Variants in EFR3A observed in about 807,000 individuals in gnomAD.
EFR3A encodes protein EFR3 homolog A.
Under a neutral mutation model 104.4 loss-of-function variants are expected in EFR3A, and 76 were observed. The ratio of observed to expected loss-of-function variants is 0.73; its 90% CI spans 0.60 to 0.88. The LOEUF is 0.88. Ranked by LOEUF, EFR3A falls within the 40% of genes least tolerant of loss-of-function variation. The pLI, the probability that EFR3A is intolerant of heterozygous loss-of-function variation, is 0.00. For missense variants in EFR3A, 985 were observed against 1,012.5 expected (o/e 0.97, Z 0.37); for synonymous variants, 330 against 330.0 (o/e 1.00, Z 0.00).
intron 2 of EFR3A, 94 bp downstream of exon 2, chr8:131,940,669 T>A (rs906876997): frequency 1.3e-6 from 2 of 1,484,754 alleles, no homozygotes; most frequent in African/African-American, 2.8e-5. Flanking sequence ...ATTTCTCTAC[T>A]TTTACCCTTA....
chr8:132,011,927 G>A lies in EFR3A; in HGVS notation c.*1032G>A, dbSNP rs1822363747. The A allele has an allele frequency of 6.6e-6, 1 of 152,158 alleles. No homozygotes were observed. The highest frequency in any genetic ancestry group is 1.5e-5 in the Non-Finnish European group (1 of 68,022). The allele number at this position is 152,158 out of a possible 1,614,324, so 9.4% of individuals were successfully genotyped here. A position where few individuals can be genotyped will look rare whatever the true frequency, so the allele number is the denominator to read the frequency against. ...ATCAATTATATTTGAAAAGCTGCCT[G>A]TGTTTTAACAGTCAAGTGTGCTAAA... is the stretch of plus-strand genomic sequence containing the variant. On this transcript the variant is annotated 3_prime_UTR_variant, in exon 23 of 23. Coordinates refer to ENST00000254624, the MANE Select transcript of EFR3A (RefSeq NM_015137.6).
At chr8:131,997,768 G>A (rs1821569347) in intron 19 of EFR3A, among the ~76,000 whole-genome samples, 1 of 151,914 alleles carries the variant, frequency 6.6e-6, no homozygotes, top group Non-Finnish European at 1.5e-5. Flanking sequence ...ACTTAATTTT[G>A]TTAAGGGGAC....
chr8:131,918,387 G>A (rs1816844822), intron 1 of EFR3A, among the ~76,000 whole-genome samples: 1 of 152,178 alleles, frequency 6.6e-6, no homozygotes, highest in South Asian at 2.1e-4. Flanking sequence ...AATATAAAAT[G>A]TTTAAGGTTT....
chr8:131,982,510 G>T (rs1820666853), intron 14 of EFR3A, among the ~76,000 whole-genome samples: 1 of 152,014 alleles, frequency 6.6e-6, no homozygotes, highest in South Asian at 2.1e-4. Context: ...GAGAGGAATT[G>T]CTGAGTAATA....
At chr8:132,006,133 A>G (rs553894925) in intron 22 of EFR3A, among the ~76,000 whole-genome samples, 10 of 152,300 alleles carry the variant, frequency 6.6e-5, no homozygotes, top group African/African-American at 2.4e-4. Context: ...TTTTGCTTGC[A>G]AAGAAGAGAG....
intron 14 of EFR3A, among the ~76,000 whole-genome samples, chr8:131,980,115 T>G (rs2130738000): frequency 6.6e-6 from 1 of 152,232 alleles, no homozygotes; most frequent in East Asian, 1.9e-4. Context: ...AACACAGTAT[T>G]GCCAGCTAAG....
At chr8:131,965,813 G>T (rs920468966) in intron 8 of EFR3A, among the ~76,000 whole-genome samples, 1 of 151,304 alleles carries the variant, frequency 6.6e-6, no homozygotes, top group African/African-American at 2.4e-5. Flanking sequence ...AACCAACCCA[G>T]ATGTCCAACA....
At chr8:132,010,311 T>G (rs1340697082) in intron 22 of EFR3A, among the ~76,000 whole-genome samples, 1 of 149,836 alleles carries the variant, frequency 6.7e-6, no homozygotes, top group African/African-American at 2.5e-5. Flanking sequence ...CGGAATAAAA[T>G]TATGTATGTA....
At chr8:131,974,935 T>A (rs1412412318) in intron 10 of EFR3A, among the ~76,000 whole-genome samples, 8 of 152,218 alleles carry the variant, frequency 5.3e-5, no homozygotes, top group Non-Finnish European at 7.3e-5. Flanking sequence ...ATGCAGAAAG[T>A]TTCTGTAATG....
At chr8:131,947,645 A>T (rs1818506476) in intron 4 of EFR3A, among the ~76,000 whole-genome samples, 1 of 151,362 alleles carries the variant, frequency 6.6e-6, no homozygotes, top group Non-Finnish European at 1.5e-5. Context: ...AGAAAGGTTT[A>T]CTCCTATAGT....
chr8:132,010,837 C>A lies in EFR3A; in HGVS notation c.2408C>A (p.Ala803Asp). 6.2e-7 allele frequency: 1 copy of A among 1,612,582 alleles called. No homozygotes were observed. The highest frequency in any genetic ancestry group is 8.5e-7 in the Non-Finnish European group (1 of 1,178,938). ...SGTLTITSGH[A>D]QYQSVPVYEM... ...ACACTGACCATTACTTCTGGGCATG[C>A]CCAATACCAATCTGTCCCAGTCTAT... The change falls in exon 23 of 23, where the codon GCC becomes GAC. Residue 803 changes from alanine (A) to aspartate (D), a missense_variant. Physicochemically the swap from Ala to Asp is moderately radical, Grantham distance 126. Coordinates refer to ENST00000254624, the MANE Select transcript of EFR3A (RefSeq NM_015137.6).
At chr8:131,968,125 C>G (rs1819855530) in intron 8 of EFR3A, among the ~76,000 whole-genome samples, 170 bp from the exon 9 acceptor site, 5 of 151,990 alleles carry the variant, frequency 3.3e-5, no homozygotes, top group Admixed American at 3.3e-4. Flanking sequence ...TCCAGCATCT[C>G]TGTTTATTCT....
intron 19 of EFR3A, among the ~76,000 whole-genome samples, chr8:131,998,096 A>G (rs1157964448): frequency 6.6e-6 from 1 of 152,032 alleles, no homozygotes; most frequent in African/African-American, 2.4e-5. Flanking sequence ...CATTTGCTTG[A>G]GCACATTTGA....
At chr8:131,940,608 T>G in intron 2 of EFR3A, 33 bp downstream of exon 2, 1 of 1,583,902 alleles carries the variant, frequency 6.3e-7, no homozygotes, top group South Asian at 1.2e-5. Flanking sequence ...ATCCTTCTCT[T>G]TGCTGACCCA....
chr8:131,957,081 T>C (rs1010231432), intron 7 of EFR3A, among the ~76,000 whole-genome samples: 11 of 152,132 alleles, frequency 7.2e-5, no homozygotes, highest in Non-Finnish European at 1.3e-4. Flanking sequence ...GAACTTAAAA[T>C]TTCTGATCAT....
intron 22 of EFR3A, among the ~76,000 whole-genome samples, chr8:132,009,586 T>G (rs751562681): frequency 6.6e-6 from 1 of 151,942 alleles, no homozygotes; most frequent in Non-Finnish European, 1.5e-5. Context: ...AAGATAAGAT[T>G]TCAGATTTTC....
chr8:131,932,747 A>G (rs1241191139), intron 1 of EFR3A, among the ~76,000 whole-genome samples: 2 of 152,116 alleles, frequency 1.3e-5, no homozygotes, highest in Admixed American at 6.6e-5. Flanking sequence ...TTGTTTCCCT[A>G]CAAATATAGG....
intron 1 of EFR3A, among the ~76,000 whole-genome samples, chr8:131,909,920 A>T (rs1196872424): frequency 1.3e-5 from 2 of 152,200 alleles, no homozygotes; most frequent in African/African-American, 4.8e-5. Context: ...CTATGCCCGC[A>T]GCCTGGCCTG....
At position 132,003,171 on chromosome 8, in the gene EFR3A, T is replaced by C. The variant is rs535170060; in HGVS notation, c.2311-65T>C. On this transcript the variant is annotated intron_variant, in intron 21 of 22. Transcript: ENST00000254624. The stretch of plus-strand genomic sequence containing the variant: ...ATTATACTTTGTCTCTTAAGTTACA[T>C]TGATATTATTATATATAGATACCTA... 2.0e-4 allele frequency: 253 copies of C among 1,238,478 alleles called. 1 individual carries two copies. The highest frequency in any genetic ancestry group is 2.7e-4 in the Non-Finnish European group (234 of 858,388). 76.7% of individuals were successfully genotyped at this position (1,238,478 alleles called of 1,614,324 possible). A position where few individuals can be genotyped will look rare whatever the true frequency, so the allele number is the denominator to read the frequency against.
Sources: gnomAD v4.1 joint callset for allele counts (sites outside exome capture counted in the v4.1 genomes callset) on GRCh38, gnomAD v4.1.1 for gene constraint, MANE v1.5 for transcripts, NCBI Gene and HGNC (gene_info 2026-07-23, HGNC 2026-07-21) for gene names.